The following PCGF1 variants were observed in gnomAD, a reference collection of about 807,000 sequenced individuals.
PCGF1 encodes the protein polycomb group RING finger protein 1.
A neutral mutation model predicts 38.8 loss-of-function variants in PCGF1; 10 were observed. That is an observed-to-expected ratio of 0.26 (90% confidence interval 0.16 to 0.44). PCGF1 has a LOEUF of 0.44. Among genes scored for constraint, PCGF1 ranks in the 20% least tolerant of loss-of-function variants. The pLI is 1.00. For missense variants in PCGF1, 230 were observed against 331.5 expected (o/e 0.69, Z 2.38); for synonymous variants, 119 against 121.3 (o/e 0.98, Z 0.12).
rs939122852 is a variant in PCGF1, at chr2:74,507,440, C to T, written c.93+136G>A. ...CCTAACCGGAGTTTGGCAACCCGAT[C>T]GCAACCACGCAGGCGCACTGGGCAC... On this transcript the variant is annotated intron_variant, in intron 1 of 8. Coordinates refer to ENST00000233630, the MANE Select transcript of PCGF1 (RefSeq NM_032673.3). The T allele has an allele frequency of 4.8e-6, 7 of 1,466,532 alleles. No individual in the cohort carries two copies. In the African/African-American group the frequency reaches 8.5e-5, roughly 18 times the overall value. 90.8% of individuals were successfully genotyped at this position (1,466,532 alleles called of 1,614,324 possible). A position where few individuals can be genotyped will look rare whatever the true frequency, so the allele number is the denominator to read the frequency against.
intron 3 of PCGF1, 22 bp downstream of exon 3, chr2:74,506,710 C>T (rs373985062): frequency 1.4e-5 from 22 of 1,612,986 alleles, no homozygotes; most frequent in Non-Finnish European, 1.8e-5. Flanking sequence ...AGAGGCCCCT[C>T]AAAGTCAGGT....
At chr2:74,506,585 A>G (rs769301591) in intron 3 of PCGF1, 147 bp downstream of exon 3, 8 of 894,406 alleles carry the variant, frequency 8.9e-6, no homozygotes, top group East Asian at 2.6e-5. Context: ...AAGAAAAAAA[A>G]GAATAAAGTA....
chr2:74,507,370 T>C lies in PCGF1; in HGVS notation c.93+206A>G, dbSNP rs1367387844. 9.6e-6 allele frequency: 14 copies of C among 1,451,464 alleles called. No individual in the cohort carries two copies. In the Admixed American group the frequency reaches 2.1e-4, roughly 21 times the overall value. The allele number at this position is 1,451,464 out of a possible 1,614,324, so 89.9% of individuals were successfully genotyped here. A position where few individuals can be genotyped will look rare whatever the true frequency, so the allele number is the denominator to read the frequency against. Reference sequence around the variant, plus strand: ...CACGTGGACTCGCCTGACCCTCCTTTCCCAGGGGAGACTACACAACGTCGG... The same window carrying C: ...CACGTGGACTCGCCTGACCCTCCTTCCCCAGGGGAGACTACACAACGTCGG... On this transcript the variant is annotated intron_variant, in intron 1 of 8. Coordinates refer to ENST00000233630, the MANE Select transcript of PCGF1 (RefSeq NM_032673.3).
Position 74,506,266 on chromosome 2 carries a change from A to G in PCGF1, c.353-14T>C, listed in dbSNP as rs1674630042. On this transcript the variant is annotated splice_polypyrimidine_tract_variant and intron_variant, in intron 3 of 8. Coordinates refer to ENST00000233630, the MANE Select transcript of PCGF1 (RefSeq NM_032673.3). ...GTTTCTCTTCACCTAGAAGAAGGTG[A>G]AGTATGAGAATAAAGTATTAGCCCT... 3.1e-6 allele frequency: 5 copies of G among 1,613,220 alleles called. No homozygotes were observed. The African/African-American group carries it at 6.7e-5, about 22-fold the overall frequency.
At position 74,507,254 on chromosome 2, in the gene PCGF1, C is replaced by T. The variant is rs1235955877; in HGVS notation, c.94-107G>A. On this transcript the variant is annotated intron_variant, in intron 1 of 8. Coordinates refer to ENST00000233630, the MANE Select transcript of PCGF1 (RefSeq NM_032673.3). ...CATCACACTAGACGGCCAAGCCCCG[C>T]GCCCTGCGCCATCAGCCGGGGATTA... 3.4e-6 allele frequency: 5 copies of T among 1,485,566 alleles called. No individual in the cohort carries two copies. The African/African-American group carries it at 4.2e-5, about 12-fold the overall frequency. The allele number at this position is 1,485,566 out of a possible 1,614,324, so 92.0% of individuals were successfully genotyped here.
At position 74,507,360 on chromosome 2, in the gene PCGF1, G is replaced by A. The variant is rs1039754614; in HGVS notation, c.94-213C>T. On this transcript the variant is annotated intron_variant, in intron 1 of 8. Coordinates refer to ENST00000233630, the MANE Select transcript of PCGF1 (RefSeq NM_032673.3). ...GGGCTTCCCTCACGTGGACTCGCCTGACCCTCCTTTCCCAGGGGAGACTAC... is the reference window on the plus strand; with the variant it reads ...GGGCTTCCCTCACGTGGACTCGCCTAACCCTCCTTTCCCAGGGGAGACTAC... 1.4e-5 allele frequency: 20 copies of A among 1,451,916 alleles called. No individual in the cohort carries two copies. In the African/African-American group the frequency reaches 2.6e-4, roughly 19 times the overall value. 89.9% of individuals were successfully genotyped at this position (1,451,916 alleles called of 1,614,324 possible). A position where few individuals can be genotyped will look rare whatever the true frequency, so the allele number is the denominator to read the frequency against.
rs766403843 is a variant in PCGF1 at position 74,507,142 on chromosome 2, C to G, written c.99G>C (p.Glu33Asp). The G allele has an allele frequency of 6.2e-7, 1 of 1,613,988 alleles. No homozygotes were observed. Among genetic ancestry groups the G allele is most frequent in the Non-Finnish European group, 8.5e-7 (1 of 1,179,844 alleles). Residue 33 changes from glutamate to aspartate, a missense_variant, in exon 2 of 9, where the codon GAG (glutamate) becomes GAC (aspartate). Physicochemically the swap from Glu to Asp is conservative, Grantham distance 45. Transcript: ENST00000233630. ...YKMDPLRNEE[E>D]VRVKIKDLNE... Reference sequence around the variant, plus strand: ...TCAAGTCTTTGATCTTCACTCGAACCTCCTCCTGAAGATACACCCTCCGTC... The same window carrying G: ...TCAAGTCTTTGATCTTCACTCGAACGTCCTCCTGAAGATACACCCTCCGTC...
Position 74,507,653 on chromosome 2 carries a change from C to T in PCGF1, c.16G>A (p.Gly6Arg), listed in dbSNP as rs1167043783. MASPQGGQIAIAMRLR... is the reference protein window; with the variant it reads MASPQRGQIAIAMRLR... ...CTCATCGCGATCGCAATCTGGCCCC[C>T]CTGAGGAGACGCCATCTTAAAGGCT... The change falls in exon 1 of 9, where the codon GGG becomes AGG. Residue 6 changes from glycine (G) to arginine (R), a missense_variant. By Grantham distance (125) the Gly-to-Arg change is moderately radical. Transcript: ENST00000233630. 2 of 1,563,910 alleles carry T rather than the reference C, an allele frequency of 1.3e-6. No homozygotes were observed. Among genetic ancestry groups the T allele is most frequent in the Admixed American group, 1.9e-5 (1 of 52,528 alleles).
intron 3 of PCGF1, 64 bp downstream of exon 3, chr2:74,506,668 A>C: frequency 3.2e-6 from 5 of 1,580,522 alleles, no homozygotes; most frequent in East Asian, 2.2e-5. Context: ...CAAACCCGTC[A>C]CCTCAAGCTG....
rs768049953 is a variant in PCGF1 at position 74,506,224 on chromosome 2, G to A, written c.381C>T (p.Tyr127=). The stretch of plus-strand genomic sequence containing the variant: ...TGACCCGGTCCAAACCTCGGGACTG[G>A]TAGAATTCCCGAATCCGTTTCTCTT... ...DSEEKRIREF[Y]QSRGLDRVTQ... is the part of the protein sequence containing the mutation. Residue 127 remains tyrosine, a synonymous_variant, in exon 4 of 9, where the codon TAC becomes TAT. Coordinates refer to ENST00000233630, the MANE Select transcript of PCGF1 (RefSeq NM_032673.3). The A allele has an allele frequency of 5.6e-6, 9 of 1,614,034 alleles. No individual in the cohort carries two copies. Among genetic ancestry groups the A allele is most frequent in the Non-Finnish European group, 7.6e-6 (9 of 1,180,028 alleles).
intron 1 of PCGF1, 128 bp downstream of exon 1, chr2:74,507,448 C>G (rs750716014): frequency 2.1e-4 from 314 of 1,474,082 alleles, no homozygotes; most frequent in Non-Finnish European, 2.6e-4. Flanking sequence ...ATCGCAACCA[C>G]GCAGGCGCAC....
Position 74,507,686 on chromosome 2 carries a change from G to T in PCGF1, c.-18C>A. ...GACGCCATCTTAAAGGCTGATCCCA[G>T]CCGGCCACTTCCGGTGCCGCCTGCA... On this transcript the variant is annotated 5_prime_UTR_variant, in exon 1 of 9. The change creates a new upstream start codon in the 5' untranslated region. Transcript: ENST00000233630. 6.4e-7 allele frequency: 1 copy of T among 1,551,368 alleles called. No individual in the cohort carries two copies.
At position 74,505,983 on chromosome 2, in the gene PCGF1, C is replaced by T; in HGVS notation, c.499G>A (p.Glu167Lys). ...CGCTCCAGGCACAGGTTCAACTGCT[C>T]ATCATAGCGATAGTAGTGGGCTTTA... ...HSKAHYYRYD[E>K]QLNLCLERLS... The change falls in exon 5 of 9, where the codon GAG (glutamate) becomes AAG (lysine). Residue 167 changes from glutamate to lysine, a missense_variant. Glu to Lys is a moderately conservative substitution (Grantham distance 56). This residue lies in a region of PCGF1 where 144 missense variants were observed against 182.4 expected (regional missense o/e 0.79). Transcript: ENST00000233630. 1 of 1,614,178 alleles carries T rather than the reference C, an allele frequency of 6.2e-7. No individual in the cohort carries two copies. The highest frequency in any genetic ancestry group is 8.5e-7 in the Non-Finnish European group (1 of 1,180,036).
At chr2:74,507,378 G>T (rs751136062) in intron 1 of PCGF1, 198 bp downstream of exon 1, 64 of 1,452,452 alleles carry the variant, frequency 4.4e-5, no homozygotes, top group Non-Finnish European at 5.4e-5. Context: ...TTTCCCAGGG[G>T]AGACTACACA....
chr2:74,505,843 C>T, intron 5 of PCGF1, 73 bp from the exon 6 acceptor site: 2 of 1,607,656 alleles, frequency 1.2e-6, no homozygotes, highest in African/African-American at 1.3e-5. Flanking sequence ...ATGATATACT[C>T]TCTTCAAGGG....
rs760137841 is a variant in PCGF1 at position 74,505,146 on chromosome 2, C to T, written c.777G>A (p.Arg259=). The change falls in exon 9 of 9, where the codon AGG becomes AGA. Residue 259 remains arginine (R), a synonymous_variant. Coordinates refer to ENST00000233630, the MANE Select transcript of PCGF1 (RefSeq NM_032673.3). ...GGATGGGGTGGGGGCTTGGCCCCTACCTCCTCTTCTCTTTCACACTGTATT... is the reference window on the plus strand; with the variant it reads ...GGATGGGGTGGGGGCTTGGCCCCTATCTCCTCTTCTCTTTCACACTGTATT... ...LLQYSVKEKR[R] is the part of the protein sequence containing the mutation. 1 of 1,506,416 alleles carries T rather than the reference C, an allele frequency of 6.6e-7. No individual in the cohort carries two copies. The highest frequency in any genetic ancestry group is 1.4e-5 in the African/African-American group (1 of 72,004). The allele number at this position is 1,506,416 out of a possible 1,614,324, so 93.3% of individuals were successfully genotyped here. A position where few individuals can be genotyped will look rare whatever the true frequency, so the allele number is the denominator to read the frequency against.
chr2:74,506,686 G>C, intron 3 of PCGF1, 46 bp downstream of exon 3: 1 of 1,606,954 alleles, frequency 6.2e-7, no homozygotes, highest in Non-Finnish European at 8.5e-7. Flanking sequence ...CTGCCACTCA[G>C]CAATTAGTCC....
intron 3 of PCGF1, 30 bp from the exon 4 acceptor site, chr2:74,506,282 T>C (rs1418355445): frequency 3.7e-6 from 6 of 1,609,618 alleles, no homozygotes; most frequent in Non-Finnish European, 5.1e-6. Context: ...GAGAATAAAG[T>C]ATTAGCCCTT....
At chr2:74,507,242 G>C (rs115156451) in intron 1 of PCGF1, 95 bp from the exon 2 acceptor site, 51 of 1,499,928 alleles carry the variant, frequency 3.4e-5, no homozygotes, top group Non-Finnish European at 4.3e-5. Context: ...CACACTAGAC[G>C]GCCAAGCCCC....
Sources: gnomAD v4.1 joint callset for allele counts on GRCh38, gnomAD v4.1.1 for gene constraint, gnomAD v4.1.1 regional missense constraint, MANE v1.5 for transcripts, NCBI Gene and HGNC (gene_info 2026-07-23, HGNC 2026-07-21) for gene names.